The following FOXN3 variants were observed in gnomAD, a reference collection of about 807,000 sequenced individuals.
FOXN3 encodes forkhead box N3.
Under a neutral mutation model 38.4 loss-of-function variants are expected in FOXN3, and 7 were observed. The ratio of observed to expected loss-of-function variants is 0.18; its 90% confidence interval spans 0.10 to 0.34. The LOEUF (loss-of-function observed/expected upper bound fraction) is 0.34, where lower values mean the gene tolerates loss of function less well. Among genes scored for constraint, FOXN3 ranks in the 10% least tolerant of loss-of-function variants. The pLI is 1.00. For synonymous variants in FOXN3, 230 were observed against 242.2 expected (o/e 0.95, Z 0.47); for missense variants, 456 against 613.4 (o/e 0.74, Z 2.71).
chr14:89,244,660 G>A (rs1446647937), intron 4 of FOXN3, among the ~76,000 whole-genome samples: 7 of 152,290 alleles, frequency 4.6e-5, no homozygotes, highest in African/African-American at 1.7e-4. Flanking sequence ...CTACAAGAAT[G>A]AAGATTCCCC....
chr14:89,309,800 C>T (rs1475001894), intron 3 of FOXN3, among the ~76,000 whole-genome samples: 1 of 152,202 alleles, frequency 6.6e-6, no homozygotes, highest in African/African-American at 2.4e-5. Context: ...GTAATGAAAA[C>T]CCAATTAAGC....
intron 2 of FOXN3, among the ~76,000 whole-genome samples, chr14:89,398,414 G>A (rs1319594074): frequency 1.3e-5 from 2 of 152,086 alleles, no homozygotes; most frequent in South Asian, 2.1e-4. Context: ...TCTGGTAATC[G>A]CTCAACCCTG....
At chr14:89,419,059 A>T (rs1891837837), upstream of FOXN3, 2 of 447,434 alleles carry the variant, frequency 4.5e-6, no homozygotes, top group Non-Finnish European at 9.0e-6. Context: ...AAAAGAGGGG[A>T]TGTGAGCCAA....
At chr14:89,573,834 C>T (rs1227299959) in intron 1 of FOXN3, among the ~76,000 whole-genome samples, 1 of 151,998 alleles carries the variant, frequency 6.6e-6, no homozygotes, top group African/African-American at 2.4e-5. Context: ...AAGTTCGAGA[C>T]CAGCCTGAGC....
intron 1 of FOXN3, among the ~76,000 whole-genome samples, chr14:89,437,255 G>T (rs554900479): frequency 1.2e-4 from 19 of 152,092 alleles, no homozygotes; most frequent in South Asian, 2.1e-4. Context: ...GTTGATGAAT[G>T]GAGAATTCAT....
intron 1 of FOXN3, chr14:89,576,876 T>C (rs988497296): frequency 2.0e-4 from 31 of 152,332 alleles, no homozygotes; most frequent in African/African-American, 7.5e-4. Flanking sequence ...AATTGGATAC[T>C]AGCACAGTGG....
At chr14:89,348,760 C>G (rs1888853943) in intron 3 of FOXN3, among the ~76,000 whole-genome samples, 1 of 150,138 alleles carries the variant, frequency 6.7e-6, no homozygotes, top group Middle Eastern at 3.4e-3. Context: ...AGCTCTGGTT[C>G]ATCTGCATTT....
intron 1 of FOXN3, among the ~76,000 whole-genome samples, chr14:89,461,230 G>A (rs1418750960): frequency 3.4e-5 from 5 of 148,890 alleles, no homozygotes; most frequent in Admixed American, 1.3e-4. Flanking sequence ...CTAGCTACTC[G>A]GGAGGCTGAG....
Position 89,484,338 on chromosome 14 carries a change from T to C in FOXN3, c.-14-71848A>G, listed in dbSNP as rs572355795. 6.6e-6 allele frequency among the ~76,000 whole-genome samples: 1 copy of C among 152,352 alleles called. No individual in the cohort carries two copies. Among genetic ancestry groups the C allele is most frequent in the African/African-American group, 2.4e-5 (1 of 41,578 alleles). ...ACCATAGGGTAAATATTTCATGGTT[T>C]CCATTGCACTTATTTAACTCTGCCA... is the stretch of plus-strand genomic sequence containing the variant. On this transcript the variant is annotated intron_variant, in intron 1 of 6. Transcript: ENST00000345097. This position sits in a 1 kb window ranked among gnomAD's most constrained non-coding sequence, Gnocchi z 4.0.
At chr14:89,187,695 G>A (rs1357672066) in intron 4 of FOXN3, among the ~76,000 whole-genome samples, 1 of 152,158 alleles carries the variant, frequency 6.6e-6, no homozygotes, top group Non-Finnish European at 1.5e-5. Context: ...TAGGGGGCAC[G>A]GAGAAAGAGT....
intron 1 of FOXN3, among the ~76,000 whole-genome samples, chr14:89,485,659 G>A (rs1237701018): frequency 6.6e-6 from 1 of 152,194 alleles, no homozygotes; most frequent in Non-Finnish European, 1.5e-5. Context: ...CACTGTCCCA[G>A]CAGGACAGTG....
At chr14:89,447,814 C>CTTATTT (rs1892534563) in intron 1 of FOXN3, among the ~76,000 whole-genome samples, 1 of 92,784 alleles carries the variant, frequency 1.1e-5, no homozygotes, top group South Asian at 4.3e-4. Flanking sequence ...GCCTTTCTTC[C>CTTATTT]TTTTTTTTTT....
At chr14:89,409,357 G>GGGGA (rs1891476390) in intron 2 of FOXN3, 1 of 145,550 alleles carries the variant, frequency 6.9e-6, no homozygotes, top group Non-Finnish European at 1.5e-5. Flanking sequence ...GGGGACGGGG[G>GGGGA]GGTCGCATGG....
At chr14:89,183,351 G>A (rs569990526) in intron 4 of FOXN3, among the ~76,000 whole-genome samples, 9 of 152,208 alleles carry the variant, frequency 5.9e-5, no homozygotes, top group East Asian at 5.8e-4. Context: ...TGTAATTCAC[G>A]TCAGTAAAAA....
intron 4 of FOXN3, among the ~76,000 whole-genome samples, chr14:89,253,433 T>G (rs1596133371): frequency 6.6e-6 from 1 of 152,136 alleles, no homozygotes; most frequent in South Asian, 2.1e-4. Context: ...TCCATCCTGT[T>G]TGCCCTGATG....
In FOXN3 at chr14:89,161,248, T is replaced by C. The variant is rs1234958814; in HGVS notation, c.*1166A>G. ...TTGCAAAGATAAATCCTGATATTAATTGCAAACTCCATTTTGAGGGCAGTA... is the reference window on the plus strand; with the variant it reads ...TTGCAAAGATAAATCCTGATATTAACTGCAAACTCCATTTTGAGGGCAGTA... On this transcript the variant is annotated 3_prime_UTR_variant, in exon 6 of 6. Coordinates refer to ENST00000557258, the MANE Select transcript of FOXN3 (RefSeq NM_005197.4). The C allele has an allele frequency of 6.6e-6, 1 of 152,548 alleles. No homozygotes were observed. Among genetic ancestry groups the C allele is most frequent in the Non-Finnish European group, 1.5e-5 (1 of 68,026 alleles). The allele number at this position is 152,548 out of a possible 1,614,324, so 9.4% of individuals were successfully genotyped here.
At chr14:89,437,875 C>G (rs1201305875) in intron 1 of FOXN3, among the ~76,000 whole-genome samples, 2 of 152,200 alleles carry the variant, frequency 1.3e-5, no homozygotes, top group East Asian at 1.9e-4. Flanking sequence ...GGACTAGAAC[C>G]CTTTATCTGC....
intron 3 of FOXN3, among the ~76,000 whole-genome samples, chr14:89,332,744 T>C (rs1313638233): frequency 6.6e-6 from 1 of 151,874 alleles, no homozygotes; most frequent in African/African-American, 2.4e-5. Flanking sequence ...GCAAAGGAAA[T>C]AGTCTACAAA....
chr14:89,540,847 T>C (rs1019119668), intron 1 of FOXN3, among the ~76,000 whole-genome samples: 1 of 152,154 alleles, frequency 6.6e-6, no homozygotes, highest in Non-Finnish European at 1.5e-5. Context: ...CTATATGGAA[T>C]GTTCCTTGAT....
Sources: gnomAD v4.1 joint callset for allele counts (sites outside exome capture counted in the v4.1 genomes callset) on GRCh38, gnomAD v4.1.1 for gene constraint, Gnocchi (gnomAD v3.1) non-coding constraint, MANE v1.5 for transcripts, NCBI Gene and HGNC (gene_info 2026-07-23, HGNC 2026-07-21) for gene names.